Variants in MEAK7 observed in about 807,000 individuals in gnomAD.
MEAK7 encodes MTOR associated protein MEAK7.
Under a neutral mutation model 40.5 loss-of-function variants are expected in MEAK7, and 68 were observed. The observed-to-expected ratio is 1.68, with a 90% CI of 1.38 to 2.06. The LOEUF is 2.06. Ranked by LOEUF, MEAK7 falls within the 30% of genes most tolerant of loss-of-function variation. MEAK7 has a pLI of 0.00. For missense variants in MEAK7, 918 were observed against 580.5 expected, an observed-to-expected ratio of 1.58 and a Z score of -5.98; for synonymous variants, 338 against 231.9, an observed-to-expected ratio of 1.46 and a Z score of -4.16.
At chr16:84,494,802 T>C in intron 3 of MEAK7, 1 of 455,830 alleles carries the variant, frequency 2.2e-6, no homozygotes, top group Admixed American at 2.4e-5. Flanking sequence ...TGAGACTCAT[T>C]TTCCTCTAAA....
chr16:84,482,913 G>A (rs75026179), intron 5 of MEAK7, among the ~76,000 whole-genome samples: 9,055 of 152,280 alleles, frequency 0.059, 306 homozygotes, highest in African/African-American at 0.081. Flanking sequence ...TAGAGGGACA[G>A]CTAATAAGGA....
At chr16:84,488,533 C>T (rs1345006154) in intron 4 of MEAK7, 2 of 152,054 alleles carry the variant, frequency 1.3e-5, no homozygotes, top group Non-Finnish European at 1.5e-5. Context: ...AGTGACCATA[C>T]TATAGGCCAT....
chr16:84,502,422 G>C (rs454253), intron 1 of MEAK7, among the ~76,000 whole-genome samples: 68,946 of 151,810 alleles, frequency 0.45, 17,709 homozygotes, highest in Non-Finnish European at 0.59. Flanking sequence ...GAGAAAACCT[G>C]GCTTCTGAGG....
intron 6 of MEAK7, among the ~76,000 whole-genome samples, chr16:84,481,360 G>A (rs909856916): frequency 2.0e-5 from 3 of 152,324 alleles, no homozygotes; most frequent in African/African-American, 7.2e-5. Context: ...AGAGACCCGA[G>A]CACACTGCCC....
intron 3 of MEAK7, among the ~76,000 whole-genome samples, chr16:84,490,383 A>G (rs900432712): frequency 6.7e-6 from 1 of 149,630 alleles, no homozygotes; most frequent in Non-Finnish European, 1.5e-5. Flanking sequence ...GCCAGGCCCA[A>G]ACTAAAAGAC....
At chr16:84,480,239 G>T (rs549681327) in intron 7 of MEAK7, among the ~76,000 whole-genome samples, 3 of 152,138 alleles carry the variant, frequency 2.0e-5, no homozygotes, top group African/African-American at 7.2e-5. Context: ...GGAAGCGGAA[G>T]GAACCCTAGA....
At position 84,504,656 on chromosome 16, in the gene MEAK7, C is replaced by G. The variant is rs1914754785; in HGVS notation, c.-81G>C. 1 of 985,634 alleles carries G rather than the reference C, an allele frequency of 1.0e-6. No homozygotes were observed. The highest frequency in any genetic ancestry group is 1.2e-6 in the Non-Finnish European group (1 of 830,052). The allele number at this position is 985,634 out of a possible 1,614,324, so 61.1% of individuals were successfully genotyped here. A position where few individuals can be genotyped will look rare whatever the true frequency, so the allele number is the denominator to read the frequency against. ...GGTCCAGCAGCCCACGGGCTCCTCT[C>G]GAGAGCCGCCCCTTCCCTGTTGCCA... On this transcript the variant is annotated 5_prime_UTR_variant, in exon 1 of 8. Transcript: ENST00000343629.
intron 1 of MEAK7, among the ~76,000 whole-genome samples, chr16:84,501,189 A>G (rs1234152359): frequency 6.6e-6 from 1 of 151,912 alleles, no homozygotes; most frequent in East Asian, 1.9e-4. Context: ...AGAAGAGTGA[A>G]GAGTGGAAAA....
At chr16:84,494,550 T>C (rs1390188288) in intron 3 of MEAK7, among the ~76,000 whole-genome samples, 1 of 152,234 alleles carries the variant, frequency 6.6e-6, no homozygotes, top group Non-Finnish European at 1.5e-5. Flanking sequence ...GCGACCTATT[T>C]ATATACAGAA....
intron 3 of MEAK7, among the ~76,000 whole-genome samples, chr16:84,494,093 C>G (rs1319944769): frequency 1.3e-5 from 2 of 152,028 alleles, no homozygotes; most frequent in Non-Finnish European, 2.9e-5. Context: ...TCTCAGACTC[C>G]TTAAGGAAAA....
rs1913652756 is a variant in MEAK7 at position 84,491,934 on chromosome 16, C to G, written c.385-2512G>C. 2.0e-5 allele frequency among the ~76,000 whole-genome samples: 3 copies of G among 151,902 alleles called. No individual in the cohort carries two copies. In the South Asian group the frequency reaches 6.3e-4, roughly 32 times the overall value. Reference sequence around the variant, plus strand: ...AACATTTTGTATTGTTTTTAAAGTCCTTTTGCTGTTAAGTTACAGGGCTGT... The same window carrying G: ...AACATTTTGTATTGTTTTTAAAGTCGTTTTGCTGTTAAGTTACAGGGCTGT... On this transcript the variant is annotated intron_variant, in intron 3 of 7. Transcript: ENST00000343629.
intron 2 of MEAK7, chr16:84,497,511 C>G: frequency 2.3e-6 from 3 of 1,290,396 alleles, no homozygotes; most frequent in Non-Finnish European, 3.0e-6. Flanking sequence ...GTCTCCCCAT[C>G]TCTGGGAGGG....
chr16:84,497,647 T>C (rs1487746434), intron 2 of MEAK7: 3 of 1,411,434 alleles, frequency 2.1e-6, no homozygotes, highest in African/African-American at 1.4e-5. Context: ...CAGGTTCCTT[T>C]CTGTAGTACA....
chr16:84,481,654 C>T (rs945896695), intron 6 of MEAK7, among the ~76,000 whole-genome samples: 1 of 152,186 alleles, frequency 6.6e-6, no homozygotes, highest in Non-Finnish European at 1.5e-5. Context: ...TTTCTGTCAG[C>T]TGGGCGCAGT....
chr16:84,497,026 T>C (rs955206291), intron 2 of MEAK7: 13 of 167,848 alleles, frequency 7.7e-5, no homozygotes, highest in Non-Finnish European at 2.6e-5. Context: ...TTCATTTTTA[T>C]TTAAATTTAG....
intron 5 of MEAK7, among the ~76,000 whole-genome samples, 153 bp from the exon 6 acceptor site, chr16:84,482,863 C>G (rs537893257): frequency 1.1e-4 from 17 of 152,314 alleles, no homozygotes; most frequent in African/African-American, 3.8e-4. Flanking sequence ...TTGGGACAAG[C>G]TGCTAGGGAC....
At chr16:84,485,456 C>T (rs905011416) in intron 5 of MEAK7, among the ~76,000 whole-genome samples, 2 of 152,218 alleles carry the variant, frequency 1.3e-5, no homozygotes, top group African/African-American at 2.4e-5. Flanking sequence ...CACCTGGACA[C>T]AGTTCCCGGC....
intron 1 of MEAK7, chr16:84,500,112 G>C (rs891560846): frequency 2.0e-5 from 3 of 152,190 alleles, no homozygotes; most frequent in Non-Finnish European, 2.9e-5. Context: ...TCGTGTTTTT[G>C]AGGCCCACCT....
intron 3 of MEAK7, 111 bp downstream of exon 3, chr16:84,495,572 C>G (rs978434051): frequency 3.0e-6 from 3 of 985,592 alleles, no homozygotes; most frequent in Non-Finnish European, 4.6e-6. Context: ...AAACCCAGCT[C>G]AAATACTTTT....
Sources: gnomAD v4.1 joint callset for allele counts (sites outside exome capture counted in the v4.1 genomes callset) on GRCh38, gnomAD v4.1.1 for gene constraint, MANE v1.5 for transcripts, NCBI Gene and HGNC (gene_info 2026-07-23, HGNC 2026-07-21) for gene names.